NOX1: variants seen among roughly 807,000 people sequenced by gnomAD.
NOX1 encodes NADH/NADPH mitogenic oxidase subunit P65-MOX.
Under a neutral mutation model 42.5 loss-of-function variants are expected in NOX1, and 34 were observed. The ratio of observed to expected loss-of-function variants is 0.80; its 90% CI spans 0.61 to 1.07. The LOEUF (loss-of-function observed/expected upper bound fraction) is 1.07, where lower values mean the gene tolerates loss of function less well. Ranked by LOEUF, NOX1 falls within the 50% of genes least tolerant of loss-of-function variation. The probability of loss-of-function intolerance (pLI) is 0.00; values close to 1 mark genes in which losing one functional copy is unlikely to be tolerated. For missense variants in NOX1, 408 were observed against 427.0 expected, an observed-to-expected ratio of 0.96 and a Z score of 0.39; for synonymous variants, 143 against 152.5, an observed-to-expected ratio of 0.94 and a Z score of 0.46.
chrX:100,867,842 AAGAG>A (rs1309712842), intron 2 of NOX1, among the ~76,000 whole-genome samples: 62 of 110,146 alleles, frequency 5.6e-4, no homozygotes, highest in African/African-American at 1.6e-3. Context: ...GAAGGAAAGA[AAGAG>A]AGAGAGAAGA....
chrX:100,854,030 C>T (rs769558469), intron 7 of NOX1, among the ~76,000 whole-genome samples: 1 of 111,204 alleles, frequency 9.0e-6, no homozygotes, highest in South Asian at 3.9e-4. Context: ...GTAGTCCCAG[C>T]TACTTGGGAA....
intron 7 of NOX1, among the ~76,000 whole-genome samples, chrX:100,859,638 A>G (rs927144974): frequency 3.7e-5 from 4 of 108,581 alleles, no homozygotes; most frequent in Non-Finnish European, 5.7e-5. Context: ...CTGCTCAGGG[A>G]TTAAATTTCT....
intron 7 of NOX1, chrX:100,855,521 T>C: frequency 1.4e-6 from 1 of 733,566 alleles, no homozygotes; most frequent in East Asian, 3.2e-5. Flanking sequence ...CAAAGCCGCC[T>C]CTGCCTCCCT....
chrX:100,857,532 C>T (rs762753813), intron 7 of NOX1, among the ~76,000 whole-genome samples: 1 of 111,971 alleles, frequency 8.9e-6, no homozygotes, highest in Non-Finnish European at 1.9e-5. Context: ...GCAACCTCAC[C>T]AACATCTGTT....
At chrX:100,872,233 C>G (rs898364521) in intron 1 of NOX1, among the ~76,000 whole-genome samples, 2 of 111,982 alleles carry the variant, frequency 1.8e-5, no homozygotes, top group African/African-American at 3.2e-5. Context: ...TCAACAGTCA[C>G]AGACACCTCA....
At chrX:100,863,426 A>G (rs2085219110) in intron 3 of NOX1, 59 bp downstream of exon 3, 1 of 1,124,344 alleles carries the variant, frequency 8.9e-7, no homozygotes, top group Admixed American at 2.3e-5. Flanking sequence ...TGTCCTACTG[A>G]GGAGTCTGGG....
At chrX:100,866,866 A>G (rs1356820897) in intron 2 of NOX1, among the ~76,000 whole-genome samples, 1 of 110,430 alleles carries the variant, frequency 9.1e-6, no homozygotes, top group Admixed American at 9.6e-5. Context: ...ATCACTATGC[A>G]ATATATGCAT....
chrX:100,850,061 G>A (rs34220544), intron 9 of NOX1, 90 bp downstream of exon 9: 2 of 986,823 alleles, frequency 2.0e-6, no homozygotes, highest in African/African-American at 1.9e-5. Flanking sequence ...CTATTCTATT[G>A]TACCAAACTT....
Position 100,863,586 on chromosome X carries a change from C to T in NOX1, c.151G>A (p.Ala51Thr), listed in dbSNP as rs756187602. The stretch of plus-strand genomic sequence containing the variant: ...CAGAGAGCAGACGCTCGGGCACAGG[C>T]CAATGTTGACTACAGCAGAGGAGAA... ...YTRKILGSTLACARASALCLN... is the reference protein window; with the variant it reads ...YTRKILGSTLTCARASALCLN... Residue 51 changes from alanine (A) to threonine (T), a missense_variant, in exon 3 of 13, where the codon GCC (alanine) becomes ACC (threonine). Ala to Thr is a moderately conservative substitution (Grantham distance 58). Transcript: ENST00000372966. 2.1e-5 allele frequency: 25 copies of T among 1,208,866 alleles called. No individual in the cohort carries two copies. The highest frequency in any genetic ancestry group is 2.8e-5 in the Non-Finnish European group (25 of 894,550).
chrX:100,853,257 C>CTTTT (rs1569445439), intron 7 of NOX1, among the ~76,000 whole-genome samples: 15 of 25,453 alleles, frequency 5.9e-4, no homozygotes, highest in African/African-American at 3.9e-3. Context: ...TTCCTTCCTT[C>CTTTT]CTTCCTTTCT....
In NOX1 at chrX:100,874,297, G is replaced by A; in HGVS notation, c.-158C>T. On this transcript the variant is annotated 5_prime_UTR_variant, in exon 1 of 13. Coordinates refer to ENST00000372966, the MANE Select transcript of NOX1 (RefSeq NM_007052.5). ...ACCTACCCCAAGAGTTCCTGGGAAT[G>A]AATAAGTTTATTCTGCCTTCCTTCT... 1 of 454,347 alleles carries A rather than the reference G, an allele frequency of 2.2e-6. No homozygotes were observed. The highest frequency in any genetic ancestry group is 3.6e-5 in the Admixed American group (1 of 27,932). The allele number at this position is 454,347 out of a possible 1,213,427, so 37.4% of individuals were successfully genotyped here.
At chrX:100,853,969 C>T (rs2147909855) in intron 7 of NOX1, among the ~76,000 whole-genome samples, 1 of 111,815 alleles carries the variant, frequency 8.9e-6, no homozygotes, top group South Asian at 3.8e-4. Context: ...GTGGCAAAAC[C>T]CCGTCTCTAC....
intron 7 of NOX1, among the ~76,000 whole-genome samples, chrX:100,858,158 C>T (rs746074664): frequency 9.0e-6 from 1 of 111,676 alleles, no homozygotes; most frequent in Non-Finnish European, 1.9e-5. Flanking sequence ...TATGGCTAGC[C>T]GGTTATCCCA....
chrX:100,850,380 T>C lies in NOX1; in HGVS notation c.904A>G (p.Met302Val), dbSNP rs35468984. 2.0e-4 allele frequency: 232 copies of C among 1,161,720 alleles called. No individual in the cohort carries two copies. In the African/African-American group the frequency reaches 3.3e-3, roughly 16 times the overall value. Residue 302 changes from methionine (M) to valine (V), a missense_variant, in exon 9 of 13, where the codon ATG becomes GTG. Physicochemically the swap from Met to Val is conservative, Grantham distance 21. Transcript: ENST00000372966. ...AATTCCAAAACTTTGGATGGGTGCA[T>C]AACAACCTGTGAATGAAGCACATAG... ...QQKVVITKVV[M>V]HPSKVLELQM...
At chrX:100,849,587 T>G (rs1014123972) in intron 10 of NOX1, among the ~76,000 whole-genome samples, 161 bp from the exon 11 acceptor site, 2 of 111,971 alleles carry the variant, frequency 1.8e-5, no homozygotes, top group African/African-American at 6.5e-5. Context: ...AACTCCAAAT[T>G]GAAAAGAAGA....
intron 1 of NOX1, among the ~76,000 whole-genome samples, chrX:100,873,641 C>T (rs998805774): frequency 1.8e-5 from 2 of 111,900 alleles, no homozygotes; most frequent in African/African-American, 6.5e-5. Context: ...TTTATTTTTA[C>T]CTTTTCGGTG....
chrX:100,844,102 G>A (rs1346439604), intron 12 of NOX1, 24 bp from the exon 13 acceptor site: 4 of 1,136,848 alleles, frequency 3.5e-6, no homozygotes, highest in Non-Finnish European at 4.7e-6. Flanking sequence ...ACAATAGTAA[G>A]GGCTAGAATG....
At chrX:100,872,128 G>T (rs185729266) in intron 1 of NOX1, among the ~76,000 whole-genome samples, 1 of 111,955 alleles carries the variant, frequency 8.9e-6, no homozygotes, top group Non-Finnish European at 1.9e-5. Flanking sequence ...CACCGAACCT[G>T]CTTTACCAAT....
At chrX:100,849,110 A>T (rs1050788330) in intron 11 of NOX1, among the ~76,000 whole-genome samples, 170 bp downstream of exon 11, 1 of 112,184 alleles carries the variant, frequency 8.9e-6, no homozygotes, top group African/African-American at 3.2e-5. Flanking sequence ...GAAAGAAAAG[A>T]AAAACCAAGT....
Sources: gnomAD v4.1 joint callset for allele counts (sites outside exome capture counted in the v4.1 genomes callset) on GRCh38, gnomAD v4.1.1 for gene constraint, MANE v1.5 for transcripts, NCBI Gene and HGNC (gene_info 2026-07-23, HGNC 2026-07-21) for gene names.